The following PAPPA variants were observed in gnomAD, a reference collection of about 807,000 sequenced individuals.
PAPPA encodes pappalysin 1.
In PAPPA, 60 loss-of-function variants were observed where a neutral mutation model predicts 164.0. That is an observed-to-expected ratio of 0.37 (90% CI 0.30 to 0.45). PAPPA has a LOEUF of 0.45. PAPPA is among the 20% of genes least tolerant of loss of function. The probability of loss-of-function intolerance (pLI) is 1.00; values close to 1 mark genes in which losing one functional copy is unlikely to be tolerated. For missense variants in PAPPA, 1,782 were observed against 2,087.3 expected, an observed-to-expected ratio of 0.85 and a Z score of 2.85; for synonymous variants, 875 against 814.1, an observed-to-expected ratio of 1.07 and a Z score of -1.27.
chr9:116,390,582 C>T (rs988084812), intron 21 of PAPPA, among the ~76,000 whole-genome samples: 1 of 152,030 alleles, frequency 6.6e-6, no homozygotes, highest in Admixed American at 6.5e-5. Context: ...AGTAGATATG[C>T]TTAACTTGGA....
rs150064151 is a variant in PAPPA, at chr9:116,327,397, C to T, written c.3148-3847C>T. On this transcript the variant is annotated intron_variant, in intron 10 of 21. Coordinates refer to ENST00000328252, the MANE Select transcript of PAPPA (RefSeq NM_002581.5). ...TTAAGATTGGGAATGTCACCGGAGC[C>T]AGTGTCACTGAAGAAACTGGAGGAG... Among the ~76,000 whole-genome samples the T allele has an allele frequency of 3.2e-3, 480 of 152,172 alleles. 5 individuals are homozygous for T. The highest frequency in any genetic ancestry group is 6.9e-3 in the Admixed American group (106 of 15,288).
In PAPPA at chr9:116,396,806, G is replaced by A; in HGVS notation, c.*190G>A. 1 of 585,488 alleles carries A rather than the reference G, an allele frequency of 1.7e-6. No individual in the cohort carries two copies. The allele number at this position is 585,488 out of a possible 1,614,324, so 36.3% of individuals were successfully genotyped here. ...GAATGAACCAAGTTTCGCCATGCTG[G>A]ATGATGAAATGGATTCCCATCCCAA... is the stretch of plus-strand genomic sequence containing the variant. On this transcript the variant is annotated 3_prime_UTR_variant, in exon 22 of 22. Transcript: ENST00000328252.
intron 19 of PAPPA, among the ~76,000 whole-genome samples, chr9:116,368,563 C>T (rs895692860): frequency 1.3e-5 from 2 of 152,204 alleles, no homozygotes; most frequent in African/African-American, 4.8e-5. Flanking sequence ...TTCCCACTCG[C>T]CTTTGTGTCA....
intron 4 of PAPPA, 72 bp from the exon 5 acceptor site, chr9:116,219,865 G>A: frequency 7.7e-7 from 1 of 1,296,480 alleles, no homozygotes; most frequent in Non-Finnish European, 1.1e-6. Flanking sequence ...GCCGCCAGGA[G>A]CCGTCATTAC....
At chr9:116,255,290 T>G (rs1844914779) in intron 7 of PAPPA, among the ~76,000 whole-genome samples, 1 of 152,032 alleles carries the variant, frequency 6.6e-6, no homozygotes. Context: ...TTATAATTGT[T>G]ACATCTCTGA....
intron 1 of PAPPA, among the ~76,000 whole-genome samples, chr9:116,177,883 T>A (rs528299643): frequency 3.9e-5 from 6 of 152,260 alleles, no homozygotes; most frequent in Middle Eastern, 3.4e-3. Context: ...TTCTCCTTGA[T>A]CTTTTTTTCT....
At chr9:116,280,254 T>C (rs1393379107) in intron 9 of PAPPA, among the ~76,000 whole-genome samples, 1 of 152,126 alleles carries the variant, frequency 6.6e-6, no homozygotes, top group Non-Finnish European at 1.5e-5. Flanking sequence ...AGGAAAATGA[T>C]ACAAATAATT....
chr9:116,208,209 C>A (rs972475048), intron 3 of PAPPA, among the ~76,000 whole-genome samples: 2 of 152,206 alleles, frequency 1.3e-5, no homozygotes, highest in Non-Finnish European at 2.9e-5. Flanking sequence ...GTTTCTGAAC[C>A]AGGCCCTGTA....
intron 9 of PAPPA, among the ~76,000 whole-genome samples, chr9:116,290,839 A>G (rs1570517): frequency 0.96 from 146,444 of 152,046 alleles, 70,765 homozygotes; most frequent in East Asian, 1. Flanking sequence ...TTTTTTTTCC[A>G]TTTATTAGCT....
At chr9:116,159,579 G>A (rs192907283) in intron 1 of PAPPA, among the ~76,000 whole-genome samples, 37 of 152,290 alleles carry the variant, frequency 2.4e-4, no homozygotes, top group African/African-American at 8.7e-4. Flanking sequence ...AAACAAGTTA[G>A]CATTCAGAGA....
At chr9:116,292,922 A>T (rs566976425) in intron 9 of PAPPA, among the ~76,000 whole-genome samples, 3 of 152,302 alleles carry the variant, frequency 2.0e-5, no homozygotes, top group Non-Finnish European at 2.9e-5. Flanking sequence ...GACAACTAGG[A>T]TGACATGATG....
At position 116,265,859 on chromosome 9, in the gene PAPPA, A is replaced by C. The variant is rs748954666; in HGVS notation, c.2735A>C (p.Asp912Ala). ...LHLNRKFVDMDLNLGSVYQYW... is the reference protein window; with the variant it reads ...LHLNRKFVDMALNLGSVYQYW... ...TATGTCTTCTTTGTATTTTCCAGGG[A>C]TCTAAATCTTGGCAGTGTGTACCAG... Residue 912 changes from aspartate (D) to alanine (A), a missense_variant and splice_region_variant, in exon 8 of 22, where the codon GAT becomes GCT. This residue lies in a region of PAPPA where 1,324 missense variants were observed against 1,656.9 expected (regional missense o/e 0.80). Transcript: ENST00000328252. The C allele has an allele frequency of 2.6e-5, 42 of 1,596,024 alleles. No individual in the cohort carries two copies. The East Asian group carries it at 9.4e-4, about 36-fold the overall frequency.
intron 7 of PAPPA, among the ~76,000 whole-genome samples, chr9:116,244,263 C>T (rs919314670): frequency 6.6e-6 from 1 of 152,104 alleles, no homozygotes; most frequent in Non-Finnish European, 1.5e-5. Context: ...CTTATATAAA[C>T]TTTTATAGAT....
rs147570307 is a variant in PAPPA at position 116,187,565 on chromosome 9, G to A, written c.827G>A (p.Gly276Asp). The A allele has an allele frequency of 6.2e-6, 10 of 1,614,058 alleles. No homozygotes were observed. Among genetic ancestry groups the A allele is most frequent in the Non-Finnish European group, 8.5e-6 (10 of 1,180,052 alleles). ...ATACTGTCTGACATGGAAACCCATGGCGCCCACACTGCTCTACCTCAGCTC... is the reference window on the plus strand; with the variant it reads ...ATACTGTCTGACATGGAAACCCATGACGCCCACACTGCTCTACCTCAGCTC... ...REILSDMETH[G>D]AHTALPQLLL... Residue 276 changes from glycine (G) to aspartate (D), a missense_variant, in exon 2 of 22, where the codon GGC becomes GAC. Coordinates refer to ENST00000328252, the MANE Select transcript of PAPPA (RefSeq NM_002581.5). This position sits in a 1 kb window ranked among gnomAD's most constrained non-coding sequence, Gnocchi z 4.2.
At chr9:116,384,568 C>G (rs997710617) in intron 21 of PAPPA, among the ~76,000 whole-genome samples, 36 of 152,044 alleles carry the variant, frequency 2.4e-4, no homozygotes, top group Non-Finnish European at 4.9e-4. Flanking sequence ...TTTACTTCAA[C>G]TTTTATTTTT....
At chr9:116,273,812 T>A (rs1450098503) in intron 9 of PAPPA, among the ~76,000 whole-genome samples, 1 of 152,162 alleles carries the variant, frequency 6.6e-6, no homozygotes, top group Non-Finnish European at 1.5e-5. Context: ...TCCAAGAGGA[T>A]GAGACTGAGA....
At chr9:116,189,585 CA>C (rs1482039735) in intron 2 of PAPPA, among the ~76,000 whole-genome samples, 1 of 152,122 alleles carries the variant, frequency 6.6e-6, no homozygotes, top group Admixed American at 6.5e-5. Flanking sequence ...ACCAGTAATC[CA>C]AAAGTAGAGC....
chr9:116,154,155 CGGGGGG>C lies in PAPPA; in HGVS notation c.-17_-12del. 2.2e-6 allele frequency: 1 copy of C among 464,986 alleles called. No homozygotes were observed. The highest frequency in any genetic ancestry group is 2.9e-6 in the Non-Finnish European group (1 of 345,716). The allele number at this position is 464,986 out of a possible 1,614,324, so 28.8% of individuals were successfully genotyped here. On this transcript the variant is annotated 5_prime_UTR_variant, in exon 1 of 22. Coordinates refer to ENST00000328252, the MANE Select transcript of PAPPA (RefSeq NM_002581.5). The surrounding 1 kb of genome is among the most constrained non-coding windows in gnomAD (Gnocchi z 5.2). Reference sequence around the variant, plus strand: ...TGGCGGTGCAGGGGCGAAGGGGGGGCGGGGGGAACCGTCGGACATGCGGCTCTGGAG... The same window carrying C: ...TGGCGGTGCAGGGGCGAAGGGGGGGCAACCGTCGGACATGCGGCTCTGGAG...
intron 9 of PAPPA, among the ~76,000 whole-genome samples, chr9:116,297,606 G>GT (rs1163261231): frequency 3.3e-5 from 5 of 152,160 alleles, no homozygotes; most frequent in African/African-American, 1.2e-4. Flanking sequence ...TCATTCCAAT[G>GT]TAAGTCAATA....
Sources: allele counts gnomAD v4.1 joint callset (sites outside exome capture counted in the v4.1 genomes callset), GRCh38; gene constraint gnomAD v4.1.1; regional missense constraint gnomAD v4.1.1; non-coding constraint Gnocchi (gnomAD v3.1); transcripts MANE v1.5; gene names NCBI Gene and HGNC (gene_info 2026-07-23, HGNC 2026-07-21).